Variants in CSMD1 observed in about 807,000 individuals in gnomAD.
CSMD1 encodes CUB and Sushi multiple domains 1.
Under a neutral mutation model 417.5 loss-of-function variants are expected in CSMD1, and 213 were observed. The observed-to-expected ratio is 0.51, with a 90% CI of 0.46 to 0.57. The LOEUF is 0.57. Ranked by LOEUF, CSMD1 falls within the 20% of genes least tolerant of loss-of-function variation. The pLI is 0.00. For missense variants in CSMD1, 6,923 were observed against 4,529.7 expected, an observed-to-expected ratio of 1.53 and a Z score of -15.17; for synonymous variants, 2,862 against 1,736.8, an observed-to-expected ratio of 1.65 and a Z score of -16.11.
At chr8:4,316,117 C>G (rs1454646260) in intron 3 of CSMD1, among the ~76,000 whole-genome samples, 5 of 152,004 alleles carry the variant, frequency 3.3e-5, no homozygotes, top group Non-Finnish European at 2.9e-5. Context: ...ATTGTTAACC[C>G]TCTTAACCAT....
intron 3 of CSMD1, among the ~76,000 whole-genome samples, chr8:4,049,517 T>C (rs142911528): frequency 6.6e-6 from 1 of 152,108 alleles, no homozygotes; most frequent in African/African-American, 2.4e-5. Context: ...GATTGGAATC[T>C]ACACTTTGGT....
intron 3 of CSMD1, among the ~76,000 whole-genome samples, chr8:4,418,498 C>G (rs1348599385): frequency 6.6e-6 from 1 of 152,112 alleles, no homozygotes; most frequent in Non-Finnish European, 1.5e-5. Flanking sequence ...ACCTTTTCAG[C>G]TATCAACTTC....
Position 3,882,999 on chromosome 8 carries a change from C to G in CSMD1, c.818+114904G>C, listed in dbSNP as rs562362939. Among the ~76,000 whole-genome samples the G allele has an allele frequency of 3.3e-5, 5 of 152,290 alleles. 1 individual carries two copies. In the South Asian group the frequency reaches 1.0e-3, roughly 32 times the overall value. ...ACTCTCAATAGCTGATATGTGCACA[C>G]TTCTGCATGCATATTTTATCCTGAA... On this transcript the variant is annotated intron_variant, in intron 5 of 69. Transcript: ENST00000635120.
At chr8:4,600,816 G>C (rs777168779) in intron 2 of CSMD1, among the ~76,000 whole-genome samples, 1 of 152,066 alleles carries the variant, frequency 6.6e-6, no homozygotes, top group Non-Finnish European at 1.5e-5. Context: ...TCTCAATCTT[G>C]ACAAACTTAC....
intron 3 of CSMD1, among the ~76,000 whole-genome samples, chr8:4,251,335 T>C (rs778425802): frequency 6.6e-6 from 1 of 152,162 alleles, no homozygotes; most frequent in Non-Finnish European, 1.5e-5. Context: ...TTATGCCACA[T>C]TTAATAAAAT....
intron 1 of CSMD1, among the ~76,000 whole-genome samples, chr8:4,889,568 T>A (rs1485108812): frequency 6.6e-6 from 1 of 152,136 alleles, no homozygotes; most frequent in African/African-American, 2.4e-5. Context: ...TTTTAAACTG[T>A]CTATAAGTGT....
intron 6 of CSMD1, among the ~76,000 whole-genome samples, chr8:3,749,459 G>T (rs1322887914): frequency 1.3e-5 from 2 of 152,140 alleles, no homozygotes; most frequent in Non-Finnish European, 2.9e-5. Context: ...TATAATTGGA[G>T]AGGTGAAAGT....
At chr8:4,748,648 G>A (rs1395818465) in intron 1 of CSMD1, among the ~76,000 whole-genome samples, 1 of 152,202 alleles carries the variant, frequency 6.6e-6, no homozygotes, top group Non-Finnish European at 1.5e-5. Flanking sequence ...AATGTCTCCA[G>A]AATTTAAATT....
intron 3 of CSMD1, among the ~76,000 whole-genome samples, chr8:4,348,744 G>A (rs1800921392): frequency 6.6e-6 from 1 of 152,122 alleles, no homozygotes; most frequent in South Asian, 2.1e-4. Flanking sequence ...GGAAGACCGT[G>A]AGTTAAAATT....
chr8:4,168,611 G>C (rs995148066), intron 3 of CSMD1, among the ~76,000 whole-genome samples: 3 of 151,974 alleles, frequency 2.0e-5, no homozygotes, highest in Admixed American at 2.0e-4. Context: ...ACCAACATGT[G>C]TGCAAGATGA....
chr8:3,495,795 C>A (rs1236537658), intron 10 of CSMD1, among the ~76,000 whole-genome samples: 1 of 152,156 alleles, frequency 6.6e-6, no homozygotes, highest in Non-Finnish European at 1.5e-5. Context: ...TGACATTGAG[C>A]CAAAATGGTT....
chr8:3,292,517 T>C (rs1018551031), intron 25 of CSMD1, among the ~76,000 whole-genome samples: 5 of 152,216 alleles, frequency 3.3e-5, no homozygotes, highest in African/African-American at 9.6e-5. Context: ...GCTCCTGTAT[T>C]GGGTACATAT....
chr8:4,081,398 A>G (rs181678049), intron 3 of CSMD1, among the ~76,000 whole-genome samples: 5 of 152,244 alleles, frequency 3.3e-5, no homozygotes, highest in Admixed American at 2.0e-4. Context: ...GATGATTATA[A>G]AAGGCTTTGC....
intron 2 of CSMD1, among the ~76,000 whole-genome samples, chr8:4,463,791 G>C (rs73660868): frequency 0.016 from 2,442 of 152,162 alleles, 51 homozygotes; most frequent in African/African-American, 0.056. Context: ...TGGGTTTTTT[G>C]CATTAAACAT....
At chr8:3,306,751 A>G (rs1804885148) in intron 25 of CSMD1, among the ~76,000 whole-genome samples, 1 of 151,788 alleles carries the variant, frequency 6.6e-6, no homozygotes, top group Non-Finnish European at 1.5e-5. Flanking sequence ...ACTAAAAATA[A>G]AACTGATTTT....
intron 4 of CSMD1, among the ~76,000 whole-genome samples, chr8:4,009,163 C>G (rs534652527): frequency 6.6e-6 from 1 of 152,170 alleles, no homozygotes; most frequent in African/African-American, 2.4e-5. Context: ...AGGAAAGATG[C>G]ATTTGAATCT....
At chr8:4,395,128 G>A (rs187721046) in intron 3 of CSMD1, among the ~76,000 whole-genome samples, 1 of 152,152 alleles carries the variant, frequency 6.6e-6, no homozygotes, top group Non-Finnish European at 1.5e-5. Context: ...GAGTGGAGCT[G>A]AAGCCCTTTG....
At chr8:3,503,752 C>T (rs1361213531) in intron 10 of CSMD1, among the ~76,000 whole-genome samples, 1 of 152,188 alleles carries the variant, frequency 6.6e-6, no homozygotes, top group Non-Finnish European at 1.5e-5. Flanking sequence ...TTTTCCCTGT[C>T]TCAGCCCACC....
At chr8:4,258,949 A>C (rs1013197312) in intron 3 of CSMD1, among the ~76,000 whole-genome samples, 8 of 152,156 alleles carry the variant, frequency 5.3e-5, no homozygotes, top group African/African-American at 1.4e-4. Flanking sequence ...TCATCGACTT[A>C]ATACACTAAG....
Sources: gnomAD v4.1 joint callset for allele counts (sites outside exome capture counted in the v4.1 genomes callset) on GRCh38, gnomAD v4.1.1 for gene constraint, MANE v1.5 for transcripts, NCBI Gene and HGNC (gene_info 2026-07-23, HGNC 2026-07-21) for gene names.